KMT5A: variants seen among roughly 807,000 people sequenced by gnomAD.
KMT5A encodes lysine methyltransferase 5A.
A neutral mutation model predicts 40.6 loss-of-function variants in KMT5A; 6 were observed. That is an observed-to-expected ratio of 0.15 (90% confidence interval 0.08 to 0.29). The LOEUF is 0.29. Among genes scored for constraint, KMT5A ranks in the 10% least tolerant of loss-of-function variants. KMT5A has a pLI of 1.00. For missense variants in KMT5A, 308 were observed against 459.1 expected, an observed-to-expected ratio of 0.67 and a Z score of 3.01; for synonymous variants, 153 against 178.8, an observed-to-expected ratio of 0.86 and a Z score of 1.15.
At chr12:123,394,763 G>GTCTCCGTCTCTGGTGCC (rs1429980940) in intron 3 of KMT5A, among the ~76,000 whole-genome samples, 8 of 152,168 alleles carry the variant, frequency 5.3e-5, no homozygotes, top group Non-Finnish European at 1.0e-4. Flanking sequence ...CCCTGCCAGC[G>GTCTCCGTCTCTGGTGCC]TCTCCGTCTC....
intron 5 of KMT5A, among the ~76,000 whole-genome samples, chr12:123,401,144 CTTTTTT>C (rs58431238): frequency 2.6e-5 from 2 of 75,678 alleles, no homozygotes; most frequent in African/African-American, 5.3e-5. Flanking sequence ...ATATATCTTT[CTTTTTT>C]TTTTTTTTTT....
intron 3 of KMT5A, 111 bp downstream of exon 3, chr12:123,390,897 C>G (rs986424514): frequency 7.6e-7 from 1 of 1,315,280 alleles, no homozygotes; most frequent in East Asian, 2.4e-5. Context: ...GTCTCAGATT[C>G]GAGAGGTTTG....
At position 123,389,449 on chromosome 12, in the gene KMT5A, G is replaced by T; in HGVS notation, c.27G>T (p.Lys9Asn). Residue 9 changes from lysine to asparagine, a missense_variant, in exon 2 of 8, where the codon AAG becomes AAT. Physicochemically the swap from Lys to Asn is moderately conservative, Grantham distance 94 (BLOSUM62 0). This residue lies in a region of KMT5A where 92 missense variants were observed against 78.3 expected (regional missense o/e 1.18). Coordinates refer to ENST00000402868, the MANE Select transcript of KMT5A (RefSeq NM_020382.7). Reference sequence around the variant, plus strand: ...CTTCTCCAGGCAGGAAGATGTCCAAGCCCCGCGCGGTGGAGGCGGCGGCGG... The same window carrying T: ...CTTCTCCAGGCAGGAAGATGTCCAATCCCCGCGCGGTGGAGGCGGCGGCGG... Reference protein sequence around the residue: MARGRKMSKPRAVEAAAAA... With the variant: MARGRKMSNPRAVEAAAAA... The T allele has an allele frequency of 9.2e-7, 1 of 1,091,220 alleles. No individual in the cohort carries two copies. Among genetic ancestry groups the T allele is most frequent in the Non-Finnish European group, 1.1e-6 (1 of 903,974 alleles). The allele number at this position is 1,091,220 out of a possible 1,614,324, so 67.6% of individuals were successfully genotyped here.
intron 2 of KMT5A, chr12:123,390,256 G>C (rs1877198212): frequency 4.8e-6 from 2 of 416,262 alleles, no homozygotes; most frequent in African/African-American, 4.1e-5. Context: ...TCTGTGCTGA[G>C]TCCCTGCGGC....
chr12:123,386,211 T>A (rs1449668574), intron 1 of KMT5A, among the ~76,000 whole-genome samples: 1 of 1,926 alleles, frequency 5.2e-4, no homozygotes, highest in African/African-American at 2.9e-3. Flanking sequence ...TAGATTTAGA[T>A]TTTTTTTTTT....
intron 5 of KMT5A, among the ~76,000 whole-genome samples, chr12:123,398,785 G>T (rs536149868): frequency 6.6e-6 from 1 of 152,368 alleles, no homozygotes; most frequent in South Asian, 2.1e-4. Flanking sequence ...GACAGCTGGG[G>T]CTCATCTGAA....
At chr12:123,403,526 G>A in intron 5 of KMT5A, 47 bp from the exon 6 acceptor site, 1 of 1,606,246 alleles carries the variant, frequency 6.2e-7, no homozygotes, top group Non-Finnish European at 8.5e-7. Context: ...TACGCACGAT[G>A]GGCCTAGGAG....
In KMT5A at chr12:123,408,898, T is replaced by G. The variant is rs1173141455; in HGVS notation, c.*1195T>G. The G allele has an allele frequency of 1.3e-5, 2 of 152,558 alleles. No homozygotes were observed. Among genetic ancestry groups the G allele is most frequent in the Non-Finnish European group, 2.9e-5 (2 of 68,028 alleles). 9.5% of individuals were successfully genotyped at this position (152,558 alleles called of 1,614,324 possible). A position where few individuals can be genotyped will look rare whatever the true frequency, so the allele number is the denominator to read the frequency against. ...CACAGGGCCCGGCAGCCCCCAGGAA[T>G]CAAGGATAGGGCTAAGGTTTTCACC... On this transcript the variant is annotated 3_prime_UTR_variant, in exon 8 of 8. Coordinates refer to ENST00000402868, the MANE Select transcript of KMT5A (RefSeq NM_020382.7).
Position 123,405,133 on chromosome 12 carries a change from A to G in KMT5A, c.848+59A>G. On this transcript the variant is annotated intron_variant, in intron 7 of 7. Coordinates refer to ENST00000402868, the MANE Select transcript of KMT5A (RefSeq NM_020382.7). The stretch of plus-strand genomic sequence containing the variant: ...TCCTCTGGGCAGTGAGGAGAGGCCA[A>G]AGGGCCAGGAACTCCTGATTCTGTT... 3 of 1,463,102 alleles carry G rather than the reference A, an allele frequency of 2.1e-6. No individual in the cohort carries two copies. In the South Asian group the frequency reaches 4.0e-5, roughly 20 times the overall value. The allele number at this position is 1,463,102 out of a possible 1,614,324, so 90.6% of individuals were successfully genotyped here.
rs1331001520 is a variant in KMT5A at position 123,404,917 on chromosome 12, A to G, written c.691A>G (p.Ile231Val). The change falls in exon 7 of 8, where the codon ATT becomes GTT. Residue 231 changes from isoleucine to valine, a missense_variant. Around this residue, in one of 4 missense-constraint regions of KMT5A, gnomAD observed 77 missense variants for 220.0 expected, o/e 0.35. Coordinates refer to ENST00000402868, the MANE Select transcript of KMT5A (RefSeq NM_020382.7). ...CATCGATGGCAAAGGCAGGGGTGTGATTGCCACCAAGCAGTTCTCCCGGGG... is the reference window on the plus strand; with the variant it reads ...CATCGATGGCAAAGGCAGGGGTGTGGTTGCCACCAAGCAGTTCTCCCGGGG... ...DLIDGKGRGV[I>V]ATKQFSRGDF... 1 of 1,613,118 alleles carries G rather than the reference A, an allele frequency of 6.2e-7. No individual in the cohort carries two copies. The highest frequency in any genetic ancestry group is 1.3e-5 in the African/African-American group (1 of 74,886).
intron 1 of KMT5A, among the ~76,000 whole-genome samples, chr12:123,385,617 C>T (rs1193972828): frequency 6.6e-6 from 1 of 152,062 alleles, no homozygotes; most frequent in Non-Finnish European, 1.5e-5. Flanking sequence ...TTTGGGAGGC[C>T]AAGGCGGGCA....
rs750897321 is a variant in KMT5A at position 123,384,197 on chromosome 12, C to T, written c.-2C>T. On this transcript the variant is annotated 5_prime_UTR_variant, in exon 1 of 8. Coordinates refer to ENST00000402868, the MANE Select transcript of KMT5A (RefSeq NM_020382.7). This position sits in a 1 kb window ranked among gnomAD's most constrained non-coding sequence, Gnocchi z 5.7. ...GATCCCAGGCGGTGACAGAGTGGAG[C>T]CATGGCTAGAGGTATTTGCCCAAGT... 2 of 1,613,712 alleles carry T rather than the reference C, an allele frequency of 1.2e-6. No individual in the cohort carries two copies. The highest frequency in any genetic ancestry group is 3.3e-5 in the Admixed American group (2 of 59,982).
At chr12:123,389,064 G>T in intron 1 of KMT5A, 1 of 137,160 alleles carries the variant, frequency 7.3e-6, no homozygotes, top group South Asian at 2.2e-4. Context: ...CTGCCTCGCC[G>T]GCCATGGGGG....
rs1878772343 is a variant in KMT5A at position 123,408,670 on chromosome 12, A to T, written c.*967A>T. 6.8e-6 allele frequency: 1 copy of T among 147,000 alleles called. No homozygotes were observed. The highest frequency in any genetic ancestry group is 2.5e-5 in the African/African-American group (1 of 39,496). The allele number at this position is 147,000 out of a possible 1,614,324, so 9.1% of individuals were successfully genotyped here. A position where few individuals can be genotyped will look rare whatever the true frequency, so the allele number is the denominator to read the frequency against. The stretch of plus-strand genomic sequence containing the variant: ...TTTGTAGTGGGACCAGAAATTACTT[A>T]CCTGACATCCACCCCCATTCCCCCT... On this transcript the variant is annotated 3_prime_UTR_variant, in exon 8 of 8. Coordinates refer to ENST00000402868, the MANE Select transcript of KMT5A (RefSeq NM_020382.7).
At chr12:123,403,425 C>T in intron 5 of KMT5A, 148 bp from the exon 6 acceptor site, 2 of 725,548 alleles carry the variant, frequency 2.8e-6, no homozygotes, top group Non-Finnish European at 4.7e-6. Context: ...TTTGCCATCA[C>T]TGGGGACCCA....
chr12:123,405,089 G>T lies in KMT5A; in HGVS notation c.848+15G>T. 1 of 1,594,788 alleles carries T rather than the reference G, an allele frequency of 6.3e-7. No individual in the cohort carries two copies. Among genetic ancestry groups the T allele is most frequent in the East Asian group, 2.3e-5 (1 of 44,342 alleles). On this transcript the variant is annotated intron_variant, in intron 7 of 7. Coordinates refer to ENST00000402868, the MANE Select transcript of KMT5A (RefSeq NM_020382.7). Reference sequence around the variant, plus strand: ...AAAACCTACTGGTGAGTCCACTGTTGCTTAGAGTGGCTTTTCTGTCCTCTG... The same window carrying T: ...AAAACCTACTGGTGAGTCCACTGTTTCTTAGAGTGGCTTTTCTGTCCTCTG...
At chr12:123,391,852 G>A (rs943126417) in intron 3 of KMT5A, among the ~76,000 whole-genome samples, 4 of 152,224 alleles carry the variant, frequency 2.6e-5, no homozygotes, top group African/African-American at 9.7e-5. Context: ...GACCTCTGGG[G>A]CCGGATCTGA....
chr12:123,389,997 C>G, intron 2 of KMT5A: 1 of 459,610 alleles, frequency 2.2e-6, no homozygotes, highest in Non-Finnish European at 4.4e-6. Flanking sequence ...GCCCCGTCCA[C>G]TCTCTTACTG....
rs1418131295 is a variant in KMT5A at position 123,407,553 on chromosome 12, G to T, written c.909G>T (p.Gly303=). 1 of 1,613,852 alleles carries T rather than the reference G, an allele frequency of 6.2e-7. No homozygotes were observed. The highest frequency in any genetic ancestry group is 2.2e-5 in the East Asian group (1 of 44,874). ...LGRLINHSKC[G]NCQTKLHDID... is the part of the protein sequence containing the mutation. ...GACTGATCAATCACAGCAAATGTGG[G>T]AACTGCCAAACCAAACTGCACGACA... The change falls in exon 8 of 8, where the codon GGG becomes GGT. Residue 303 remains glycine (G), a synonymous_variant. Coordinates refer to ENST00000402868, the MANE Select transcript of KMT5A (RefSeq NM_020382.7).
Sources: allele counts gnomAD v4.1 joint callset (sites outside exome capture counted in the v4.1 genomes callset), GRCh38; gene constraint gnomAD v4.1.1; regional missense constraint gnomAD v4.1.1; non-coding constraint Gnocchi (gnomAD v3.1); transcripts MANE v1.5; gene names NCBI Gene and HGNC (gene_info 2026-07-23, HGNC 2026-07-21).